Variants in SYT15B observed in about 807,000 individuals in gnomAD.
The protein encoded by SYT15B is synaptotagmin 15B, also known as synaptotagmin-15.
At chr10:47,762,943 G>T in the SYT15B span, 3 of 1,301,418 alleles carry the variant, frequency 2.3e-6, no homozygotes, top group African/African-American at 5.1e-5. Context: ...GGTCCCGGGC[G>T]CCAGGGGCGC....
the SYT15B span, among the ~76,000 whole-genome samples, chr10:47,755,555 C>CTT: frequency 0.38 from 32,403 of 84,532 alleles, 3,720 homozygotes; most frequent in South Asian, 0.47. Flanking sequence ...GTGCCCGGCC[C>CTT]TTTTTTTTTT....
the SYT15B span, among the ~76,000 whole-genome samples, chr10:47,754,784 G>A: frequency 6.4e-5 from 1 of 15,508 alleles, no homozygotes; most frequent in African/African-American, 2.7e-4. Flanking sequence ...GGCAGTGTGG[G>A]AGCTGGCTGA....
the SYT15B span, chr10:47,761,545 G>T: frequency 9.1e-7 from 1 of 1,099,300 alleles, no homozygotes; most frequent in Non-Finnish European, 1.3e-6. Flanking sequence ...CCTCATAGGT[G>T]AGGGTGGCAC....
the SYT15B span, among the ~76,000 whole-genome samples, chr10:47,756,565 A>G: frequency 6.8e-6 from 1 of 147,412 alleles, no homozygotes; most frequent in Non-Finnish European, 1.5e-5. Flanking sequence ...GGGCCCCTTA[A>G]ACACCTTGTA....
chr10:47,748,188 A>C, the SYT15B span, among the ~76,000 whole-genome samples: 2 of 151,114 alleles, frequency 1.3e-5, no homozygotes, highest in African/African-American at 4.9e-5. Flanking sequence ...ACAAAACTGC[A>C]TCCAGGCACA....
At chr10:47,747,880 T>C in the SYT15B span, among the ~76,000 whole-genome samples, 6 of 151,904 alleles carry the variant, frequency 3.9e-5, no homozygotes, top group African/African-American at 1.5e-4. Flanking sequence ...AATACAATAA[T>C]TGAAATTAAC....
the SYT15B span, among the ~76,000 whole-genome samples, chr10:47,754,980 C>CA: frequency 1.8e-5 from 2 of 110,480 alleles, no homozygotes; most frequent in Non-Finnish European, 3.6e-5. Context: ...TTTTTTTTGA[C>CA]AGAGTCTCGC....
At chr10:47,762,743 G>GCGGT in the SYT15B span, 2 of 1,119,192 alleles carry the variant, frequency 1.8e-6, no homozygotes, top group African/African-American at 3.4e-5. Flanking sequence ...GAGCACAGGG[G>GCGGT]CGGTCCGTGG....
the SYT15B span, among the ~76,000 whole-genome samples, chr10:47,749,342 T>A: frequency 6.7e-6 from 1 of 150,244 alleles, no homozygotes; most frequent in South Asian, 2.1e-4. Context: ...AGAAAACTGA[T>A]CTATGATAGA....
the SYT15B span, among the ~76,000 whole-genome samples, chr10:47,747,952 T>C: frequency 6.6e-6 from 1 of 151,738 alleles, no homozygotes. Context: ...TGAACTGTAA[T>C]ATAGGACAGA....
chr10:47,749,608 G>A, the SYT15B span, among the ~76,000 whole-genome samples: 4 of 150,504 alleles, frequency 2.7e-5, no homozygotes, highest in Admixed American at 2.6e-4. Flanking sequence ...ATGTACAGAA[G>A]TTGTAATCTG....
chr10:47,749,359 G>T, the SYT15B span, among the ~76,000 whole-genome samples: 3 of 151,194 alleles, frequency 2.0e-5, no homozygotes, highest in African/African-American at 7.3e-5. Flanking sequence ...TAGAATCACA[G>T]AAATGCAGGA....
At chr10:47,751,158 G>C in the SYT15B span, 1 of 151,930 alleles carries the variant, frequency 6.6e-6, no homozygotes, top group Non-Finnish European at 1.5e-5. Context: ...ATTGAGGATG[G>C]ACAAGAATAC....
At chr10:47,755,993 A>AGAGTGAGT in the SYT15B span, 1 of 605,220 alleles carries the variant, frequency 1.7e-6, no homozygotes, top group Non-Finnish European at 2.6e-6. Context: ...AACACTCGGC[A>AGAGTGAGT]GCCCCTCGTG....
the SYT15B span, among the ~76,000 whole-genome samples, chr10:47,762,314 C>T: frequency 4.8e-3 from 720 of 150,408 alleles, 1 homozygote; most frequent in Non-Finnish European, 7.5e-3. Context: ...GGTGCTCAGA[C>T]GCTGGGTTCC....
the SYT15B span, chr10:47,753,202 T>C: frequency 1.1e-6 from 1 of 923,810 alleles, no homozygotes; most frequent in Admixed American, 6.8e-5. Context: ...AAACAACGTG[T>C]TGACGTGCAG....
the SYT15B span, among the ~76,000 whole-genome samples, chr10:47,749,675 G>C: frequency 6.6e-6 from 1 of 151,072 alleles, no homozygotes; most frequent in African/African-American, 2.5e-5. Context: ...CAATGGTAGG[G>C]GGGGAAACGG....
At chr10:47,762,207 C>T in the SYT15B span, among the ~76,000 whole-genome samples, 4 of 151,958 alleles carry the variant, frequency 2.6e-5, no homozygotes, top group South Asian at 2.1e-4. Flanking sequence ...GTTGGTGCGA[C>T]GCGGTGGACG....
the SYT15B span, among the ~76,000 whole-genome samples, chr10:47,756,584 TA>T: frequency 4.4e-4 from 66 of 149,922 alleles, no homozygotes; most frequent in African/African-American, 1.5e-3. Context: ...TACAGAGGGC[TA>T]AGATTTGGTG....
Sources: allele counts gnomAD v4.1 joint callset (sites outside exome capture counted in the v4.1 genomes callset), GRCh38; gene constraint gnomAD v4.1.1; transcripts MANE v1.5; gene names NCBI Gene and HGNC (gene_info 2026-07-23, HGNC 2026-07-21).